Variants in MRTFB observed in about 807,000 individuals in gnomAD.
MRTFB encodes myocardin related transcription factor B, also known as myocardin-related transcription factor B.
Under a neutral mutation model 104.2 loss-of-function variants are expected in MRTFB, and 29 were observed. The observed-to-expected ratio is 0.28, with a 90% CI of 0.21 to 0.38. MRTFB has a LOEUF of 0.38. Among genes scored for constraint, MRTFB ranks in the 10% least tolerant of loss-of-function variants. MRTFB has a pLI of 1.00. For synonymous variants in MRTFB, 535 were observed against 519.5 expected (o/e 1.03, Z -0.41); for missense variants, 1,270 against 1,341.6 (o/e 0.95, Z 0.83).
chr16:14,043,973 A>C, the MRTFB span, among the ~76,000 whole-genome samples: 1 of 152,200 alleles, frequency 6.6e-6, no homozygotes, highest in Admixed American at 6.5e-5. Context: ...AGTATCACGG[A>C]AGTCTTCCTG....
chr16:14,256,793 TTATAA>T (rs1296245612), intron 15 of MRTFB, among the ~76,000 whole-genome samples: 1 of 152,238 alleles, frequency 6.6e-6, no homozygotes, highest in African/African-American at 2.4e-5. Flanking sequence ...TTGGAATAAT[TTATAA>T]TATATCAATA....
chr16:14,026,944 T>C, the MRTFB span, among the ~76,000 whole-genome samples: 1 of 152,136 alleles, frequency 6.6e-6, no homozygotes, highest in Admixed American at 6.6e-5. Flanking sequence ...TCTCAGGCAT[T>C]GCTGATGGGA....
intron 2 of MRTFB, among the ~76,000 whole-genome samples, chr16:14,088,648 A>T (rs1310640348): frequency 2.0e-5 from 3 of 152,214 alleles, no homozygotes; most frequent in South Asian, 2.1e-4. Flanking sequence ...CTGGCTCATC[A>T]TGTTCAATAC....
the MRTFB span, among the ~76,000 whole-genome samples, chr16:14,056,447 T>G: frequency 1.3e-5 from 2 of 152,224 alleles, no homozygotes; most frequent in South Asian, 4.1e-4. Flanking sequence ...TGCTCAAATT[T>G]TTCCATCTCT....
chr16:14,175,092 A>AT (rs1464069816), intron 3 of MRTFB, among the ~76,000 whole-genome samples: 1 of 152,144 alleles, frequency 6.6e-6, no homozygotes, highest in African/African-American at 2.4e-5. Flanking sequence ...TTTCAGGGTT[A>AT]TTGTGTTACG....
intron 9 of MRTFB, among the ~76,000 whole-genome samples, chr16:14,237,084 C>T (rs149304419): frequency 2.7e-4 from 41 of 152,190 alleles, no homozygotes; most frequent in African/African-American, 9.6e-4. Context: ...GTGCAGGCAC[C>T]GCGTGATGTC....
rs758904705 is a variant in MRTFB, at chr16:14,258,099, A to T, written c.2704-2A>T. ...CCTAATTTGTACTCTCCTTCATTGT[A>T]GATTTCCAACGCTCACAGTCAGCAG... is the stretch of plus-strand genomic sequence containing the variant. On this transcript the variant is annotated splice_acceptor_variant, in intron 15 of 16. Transcript: ENST00000571589. LOFTEE classifies it high-confidence loss of function. The T allele has an allele frequency of 6.2e-7, 1 of 1,613,624 alleles. No homozygotes were observed. The highest frequency in any genetic ancestry group is 8.5e-7 in the Non-Finnish European group (1 of 1,179,540).
At chr16:14,182,264 G>A (rs1048279129) in intron 3 of MRTFB, among the ~76,000 whole-genome samples, 13 of 152,180 alleles carry the variant, frequency 8.5e-5, no homozygotes, top group African/African-American at 3.1e-4. Flanking sequence ...GCAGGCCAGT[G>A]TAGAGTGAAG....
the MRTFB span, among the ~76,000 whole-genome samples, chr16:14,036,258 TTA>T: frequency 3.0e-4 from 37 of 121,782 alleles, no homozygotes; most frequent in South Asian, 1.5e-3. Context: ...ATACTATATA[TTA>T]TATATATATA....
At chr16:14,042,557 A>G in the MRTFB span, among the ~76,000 whole-genome samples, 6,903 of 152,350 alleles carry the variant, frequency 0.045, 187 homozygotes, top group Middle Eastern at 0.088. Context: ...CTGGGAAGTT[A>G]AATCAGTTGT....
chr16:14,055,088 A>G, the MRTFB span, among the ~76,000 whole-genome samples: 1 of 152,228 alleles, frequency 6.6e-6, no homozygotes, highest in African/African-American at 2.4e-5. Context: ...GTGGTGGCTC[A>G]TGTCTATAAT....
chr16:14,227,296 C>A (rs987337471), intron 8 of MRTFB, among the ~76,000 whole-genome samples: 45 of 151,350 alleles, frequency 3.0e-4, no homozygotes, highest in African/African-American at 1.0e-3. Flanking sequence ...AAAAACAAAA[C>A]AAAAAGAAAG....
Position 14,241,653 on chromosome 16 carries a change from T to G in MRTFB, c.1079+1169T>G, listed in dbSNP as rs535634695. 1.2e-4 allele frequency among the ~76,000 whole-genome samples: 17 copies of G among 143,812 alleles called. No homozygotes were observed. In the South Asian group the frequency reaches 1.9e-3, roughly 16 times the overall value. The allele number at this position is 143,812 out of a possible 152,430, so 94.3% of individuals were successfully genotyped here. A position where few individuals can be genotyped will look rare whatever the true frequency, so the allele number is the denominator to read the frequency against. On this transcript the variant is annotated intron_variant, in intron 10 of 16. Coordinates refer to ENST00000571589, the MANE Select transcript of MRTFB (RefSeq NM_001308142.2). ...TACATGTCGCGTAAGCATTCCCTCA[T>G]AGGTAGCCCCTCTTTTCCCTCTTAA...
chr16:14,173,991 G>GT (rs2039502561), intron 3 of MRTFB, among the ~76,000 whole-genome samples: 1 of 151,850 alleles, frequency 6.6e-6, no homozygotes, highest in Non-Finnish European at 1.5e-5. Context: ...ATCCTTTTTA[G>GT]TTTTTTATTA....
chr16:14,251,499 G>A (rs1485187986), intron 13 of MRTFB, among the ~76,000 whole-genome samples: 1 of 151,662 alleles, frequency 6.6e-6, no homozygotes, highest in Non-Finnish European at 1.5e-5. Context: ...TTTCCACAAA[G>A]CTCTGTCTGT....
At chr16:14,131,130 G>A (rs2037417867) in intron 2 of MRTFB, among the ~76,000 whole-genome samples, 1 of 152,114 alleles carries the variant, frequency 6.6e-6, no homozygotes, top group Admixed American at 6.5e-5. Context: ...TAATTTATTA[G>A]TGATAGTGCT....
At chr16:14,082,108 A>G (rs182747158) in intron 2 of MRTFB, among the ~76,000 whole-genome samples, 3 of 152,298 alleles carry the variant, frequency 2.0e-5, no homozygotes, top group East Asian at 3.9e-4. Flanking sequence ...TCTAAAAATC[A>G]TTGTCCAGAC....
chr16:14,237,379 C>T (rs1322542134), intron 9 of MRTFB, among the ~76,000 whole-genome samples: 1 of 151,906 alleles, frequency 6.6e-6, no homozygotes, highest in Non-Finnish European at 1.5e-5. Context: ...AGGGAGAGGG[C>T]AACTGTATCA....
Position 14,265,574 on chromosome 16 carries a change from T to A in MRTFB, c.*4130T>A, listed in dbSNP as rs1393883792. ...ATTCAGCAGTCTCTCTGAGCTACAT[T>A]TTTATTTGTAAAGTGACTCTGTCTG... On this transcript the variant is annotated 3_prime_UTR_variant, in exon 17 of 17. Transcript: ENST00000571589. The A allele has an allele frequency of 6.6e-6, 1 of 152,206 alleles. No individual in the cohort carries two copies. Among genetic ancestry groups the A allele is most frequent in the African/African-American group, 2.4e-5 (1 of 41,434 alleles). 9.4% of individuals were successfully genotyped at this position (152,206 alleles called of 1,614,324 possible).
Sources: allele counts gnomAD v4.1 joint callset (sites outside exome capture counted in the v4.1 genomes callset), GRCh38; gene constraint gnomAD v4.1.1; transcripts MANE v1.5; gene names NCBI Gene and HGNC (gene_info 2026-07-23, HGNC 2026-07-21).